IPMK: variants seen among roughly 807,000 people sequenced by gnomAD.
IPMK encodes inositol polyphosphate multikinase.
IPMK carries 17 observed loss-of-function variants against 45.8 expected under a neutral mutation model. The ratio of observed to expected loss-of-function variants is 0.37; its 90% CI spans 0.25 to 0.56. The LOEUF (loss-of-function observed/expected upper bound fraction) is 0.56. Ranked by LOEUF, IPMK falls within the 20% of genes least tolerant of loss-of-function variation. The pLI, the probability that IPMK is intolerant of heterozygous loss-of-function variation, is 0.79. For missense variants in IPMK, 399 were observed against 498.0 expected (o/e 0.80, Z 1.89); for synonymous variants, 180 against 184.3 (o/e 0.98, Z 0.19).
intron 4 of IPMK, chr10:58,212,793 G>T (rs554359038): frequency 7.1e-5 from 16 of 226,368 alleles, no homozygotes; most frequent in Non-Finnish European, 1.3e-4. Context: ...TTGTGAAGCT[G>T]GTTTCTTGCA....
chr10:58,196,499 C>T lies in IPMK; in HGVS notation c.828G>A (p.Lys276=), dbSNP rs753571526. ...TKLNDRTLAE[K]FLSKGQLSDT... ...CTGACAGTTGTCCTTTGGACAAAAA[C>T]TTTTCTGCCAAAGTTCTGTCATTCA... is the stretch of plus-strand genomic sequence containing the variant. The change falls in exon 6 of 6, where the codon AAG becomes AAA. Residue 276 remains lysine, a synonymous_variant. Coordinates refer to ENST00000373935, the MANE Select transcript of IPMK (RefSeq NM_152230.5). 6.2e-6 allele frequency: 10 copies of T among 1,613,850 alleles called. No individual in the cohort carries two copies. The African/African-American group carries it at 1.2e-4, about 19-fold the overall frequency.
chr10:58,259,183 C>A (rs1022639396), intron 1 of IPMK, among the ~76,000 whole-genome samples: 1 of 152,042 alleles, frequency 6.6e-6, no homozygotes, highest in Non-Finnish European at 1.5e-5. Flanking sequence ...AGTGGCCAGA[C>A]CATAGTTTCT....
At chr10:58,248,922 T>C (rs1838843533) in intron 1 of IPMK, among the ~76,000 whole-genome samples, 1 of 152,248 alleles carries the variant, frequency 6.6e-6, no homozygotes, top group Non-Finnish European at 1.5e-5. Flanking sequence ...ACATTTTCTT[T>C]ATCTATTCAT....
intron 1 of IPMK, among the ~76,000 whole-genome samples, chr10:58,254,912 G>A (rs1027230285): frequency 6.6e-6 from 1 of 152,234 alleles, no homozygotes; most frequent in African/African-American, 2.4e-5. Context: ...TCCCAATCCA[G>A]GGAAGACTTA....
At chr10:58,219,524 G>C (rs1588957824) in intron 3 of IPMK, among the ~76,000 whole-genome samples, 1 of 152,314 alleles carries the variant, frequency 6.6e-6, no homozygotes. Context: ...CTGAGACTCA[G>C]TTACTTAAAT....
rs1564540279 is a variant in IPMK at position 58,253,754 on chromosome 10, A to AAAAAG, written c.190+13667_190+13668insCTTTT. ...ATCTCCAAAAAAAAAAAAAAAAGAA[A>AAAAAG]AAAAAAGAAAAGAAAAAGAAAAATA... is the stretch of plus-strand genomic sequence containing the variant. On this transcript the variant is annotated intron_variant, in intron 1 of 5. Coordinates refer to ENST00000373935, the MANE Select transcript of IPMK (RefSeq NM_152230.5). Among the ~76,000 whole-genome samples the AAAAAG allele has an allele frequency of 2.8e-5, 4 of 143,450 alleles. 1 individual carries two copies. Among genetic ancestry groups the AAAAAG allele is most frequent in the East Asian group, 4.1e-4 (2 of 4,834 alleles). The allele number at this position is 143,450 out of a possible 152,430, so 94.1% of individuals were successfully genotyped here. A position where few individuals can be genotyped will look rare whatever the true frequency, so the allele number is the denominator to read the frequency against.
At chr10:58,244,949 T>C (rs1838772751) in intron 1 of IPMK, among the ~76,000 whole-genome samples, 2 of 151,974 alleles carry the variant, frequency 1.3e-5, no homozygotes, top group Admixed American at 6.6e-5. Flanking sequence ...GAGACCTTTG[T>C]TCTCATGTTT....
Position 58,229,209 on chromosome 10 carries a change from A to AT in IPMK, c.277-2071dup, listed in dbSNP as rs753093334. On this transcript the variant is annotated intron_variant, in intron 2 of 5. Coordinates refer to ENST00000373935, the MANE Select transcript of IPMK (RefSeq NM_152230.5). ...AGGGACTCTCAACTGATAGAGCAGA[A>AT]TTTTTTTTTTAAATACTAGGAAAAG... Among the ~76,000 whole-genome samples, 935 of 151,228 alleles carry AT rather than the reference A, an allele frequency of 6.2e-3. 10 individuals carry two copies. The highest frequency in any genetic ancestry group is 0.021 in the African/African-American group (863 of 41,250).
intron 2 of IPMK, 127 bp from the exon 3 acceptor site, chr10:58,227,266 G>A: frequency 3.1e-6 from 2 of 643,050 alleles, no homozygotes; most frequent in South Asian, 2.1e-5. Flanking sequence ...AGTAAATTTG[G>A]AACAAGCAAA....
intron 4 of IPMK, among the ~76,000 whole-genome samples, chr10:58,205,192 C>T (rs912920559): frequency 6.6e-6 from 1 of 151,836 alleles, no homozygotes; most frequent in Non-Finnish European, 1.5e-5. Context: ...AGATTTTACA[C>T]CAAAAGCCTA....
intron 4 of IPMK, among the ~76,000 whole-genome samples, chr10:58,214,148 A>C (rs1838209757): frequency 6.6e-6 from 1 of 152,204 alleles, no homozygotes; most frequent in African/African-American, 2.4e-5. Flanking sequence ...TTGAAAATAT[A>C]AGAAAGATAA....
At chr10:58,244,588 C>T (rs1016263121) in intron 1 of IPMK, among the ~76,000 whole-genome samples, 1 of 149,480 alleles carries the variant, frequency 6.7e-6, no homozygotes, top group Non-Finnish European at 1.5e-5. Flanking sequence ...GTGGTTTTGT[C>T]GAAAAAAAAG....
chr10:58,208,600 T>G (rs1210380076), intron 4 of IPMK, among the ~76,000 whole-genome samples: 1 of 152,222 alleles, frequency 6.6e-6, no homozygotes, highest in Non-Finnish European at 1.5e-5. Context: ...AGACTCTGTA[T>G]GAGTTCCTTA....
intron 3 of IPMK, among the ~76,000 whole-genome samples, chr10:58,217,585 G>A (rs575637195): frequency 6.6e-5 from 10 of 150,850 alleles, no homozygotes; most frequent in African/African-American, 2.0e-4. Context: ...CTACTCGGGA[G>A]GCTGAGGCAG....
chr10:58,235,665 G>A (rs543327787), intron 2 of IPMK, among the ~76,000 whole-genome samples: 2 of 152,272 alleles, frequency 1.3e-5, no homozygotes, highest in Admixed American at 6.5e-5. Flanking sequence ...CCTGTCAGGG[G>A]CTGCGGGGCT....
At chr10:58,254,926 T>C (rs1838941497) in intron 1 of IPMK, among the ~76,000 whole-genome samples, 1 of 152,246 alleles carries the variant, frequency 6.6e-6, no homozygotes, top group African/African-American at 2.4e-5. Context: ...AGACTTACAG[T>C]GAGCACCAAA....
At chr10:58,232,814 A>G (rs535712096) in intron 2 of IPMK, among the ~76,000 whole-genome samples, 1 of 152,342 alleles carries the variant, frequency 6.6e-6, no homozygotes, top group African/African-American at 2.4e-5. Flanking sequence ...AGCAGAAGGC[A>G]AAAAATAACT....
At chr10:58,214,345 T>C (rs1255303174) in intron 4 of IPMK, among the ~76,000 whole-genome samples, 1 of 152,178 alleles carries the variant, frequency 6.6e-6, no homozygotes, top group Non-Finnish European at 1.5e-5. Flanking sequence ...AGGGAAATCC[T>C]GTTGGATGAT....
At chr10:58,262,864 T>C (rs1167163745) in intron 1 of IPMK, among the ~76,000 whole-genome samples, 1 of 152,130 alleles carries the variant, frequency 6.6e-6, no homozygotes, top group East Asian at 1.9e-4. Flanking sequence ...CATAAATACT[T>C]AAGGGTAAAG....
Sources: allele counts gnomAD v4.1 joint callset (sites outside exome capture counted in the v4.1 genomes callset), GRCh38; gene constraint gnomAD v4.1.1; transcripts MANE v1.5; gene names NCBI Gene and HGNC (gene_info 2026-07-23, HGNC 2026-07-21).